The following ATP9B variants were observed in gnomAD, a reference collection of about 807,000 sequenced individuals.
ATP9B encodes the protein ATPase phospholipid transporting 9B, also known as probable phospholipid-transporting ATPase IIB.
ATP9B carries 110 observed loss-of-function variants against 146.1 expected under a neutral mutation model. The observed-to-expected ratio is 0.75, with a 90% CI of 0.65 to 0.88. The LOEUF (loss-of-function observed/expected upper bound fraction) is 0.88, where lower values mean the gene tolerates loss of function less well. ATP9B is among the 40% of genes least tolerant of loss of function. ATP9B has a pLI of 0.00. For synonymous variants in ATP9B, 604 were observed against 569.7 expected (o/e 1.06, Z -0.86); for missense variants, 1,499 against 1,496.4 (o/e 1.00, Z -0.03).
At chr18:79,295,034 G>A (rs936055276) in intron 13 of ATP9B, among the ~76,000 whole-genome samples, 2 of 152,100 alleles carry the variant, frequency 1.3e-5, no homozygotes, top group African/African-American at 2.4e-5. Context: ...GACATTTTCT[G>A]TGTGTTTTGG....
intron 11 of ATP9B, among the ~76,000 whole-genome samples, chr18:79,225,826 C>A (rs1055393713): frequency 2.2e-5 from 3 of 134,994 alleles, no homozygotes; most frequent in Admixed American, 7.4e-5. Context: ...CTGTCTTCAG[C>A]GTCTGAGTGA....
chr18:79,163,596 C>A (rs2094915926), intron 7 of ATP9B, among the ~76,000 whole-genome samples: 1 of 152,048 alleles, frequency 6.6e-6, no homozygotes, highest in African/African-American at 2.4e-5. Flanking sequence ...TAGAAAAAAA[C>A]TGTAACTTTA....
At chr18:79,093,933 G>C (rs1321683776) in intron 1 of ATP9B, among the ~76,000 whole-genome samples, 2 of 152,160 alleles carry the variant, frequency 1.3e-5, no homozygotes, top group African/African-American at 4.8e-5. Flanking sequence ...TCTTTCTCTT[G>C]ACTATTGGCC....
At chr18:79,327,328 C>CA (rs1294048537) in intron 15 of ATP9B, among the ~76,000 whole-genome samples, 1 of 152,218 alleles carries the variant, frequency 6.6e-6, no homozygotes, top group Non-Finnish European at 1.5e-5. Flanking sequence ...GGGGCTTCAG[C>CA]ACTGTGGGTG....
At chr18:79,176,227 T>G (rs968633056) in intron 7 of ATP9B, among the ~76,000 whole-genome samples, 3 of 152,256 alleles carry the variant, frequency 2.0e-5, no homozygotes, top group Non-Finnish European at 2.9e-5. Context: ...GCTTTTGCTA[T>G]TCCATCATTA....
intron 2 of ATP9B, among the ~76,000 whole-genome samples, chr18:79,107,182 C>T (rs1234937671): frequency 6.6e-6 from 1 of 152,050 alleles, no homozygotes; most frequent in Non-Finnish European, 1.5e-5. Flanking sequence ...GCACCTGTGG[C>T]CCAGCTTGCA....
At chr18:79,376,899 A>G (rs3630) in intron 29 of ATP9B, among the ~76,000 whole-genome samples, 34,735 of 151,666 alleles carry the variant, frequency 0.23, 4,645 homozygotes, top group East Asian at 0.52. Flanking sequence ...AGGTTTTCCT[A>G]TGTTGGCCAG....
chr18:79,141,800 G>A (rs2094517392), intron 5 of ATP9B, among the ~76,000 whole-genome samples: 2 of 152,012 alleles, frequency 1.3e-5, no homozygotes, highest in African/African-American at 4.8e-5. Context: ...CGTCAACAAA[G>A]TGTTAGCCAG....
rs529417069 is a variant in ATP9B, at chr18:79,109,858, G to A, written c.294-497G>A. Among the ~76,000 whole-genome samples, 35 of 152,204 alleles carry A rather than the reference G, an allele frequency of 2.3e-4. 2 individuals carry two copies. The highest frequency in any genetic ancestry group is 2.1e-3 in the South Asian group (10 of 4,828). ...TGGGATTACCGATGTGAGCCACCAC[G>A]CCTGGCCTGAGCTGTAAGTCTTAAT... is the stretch of plus-strand genomic sequence containing the variant. On this transcript the variant is annotated intron_variant, in intron 2 of 29. Coordinates refer to ENST00000426216, the MANE Select transcript of ATP9B (RefSeq NM_198531.5).
At position 79,069,427 on chromosome 18, in the gene ATP9B, C is replaced by T. The variant is rs747144142; in HGVS notation, c.17C>T (p.Pro6Leu). ...GGTCGGAACATGGCGGACCAGATCC[C>T]GCTTTACCCGGTGCGTAGCGCAGCG... MADQI[P>L]LYPVRSAAAA... The change falls in exon 1 of 30, where the codon CCG becomes CTG. Residue 6 changes from proline to leucine, a missense_variant. Physicochemically the swap from Pro to Leu is moderately conservative, Grantham distance 98. Transcript: ENST00000426216. The T allele has an allele frequency of 9.9e-6, 15 of 1,518,378 alleles. No homozygotes were observed. Among genetic ancestry groups the T allele is most frequent in the Admixed American group, 2.2e-5 (1 of 46,134 alleles). 94.1% of individuals were successfully genotyped at this position (1,518,378 alleles called of 1,614,324 possible). A position where few individuals can be genotyped will look rare whatever the true frequency, so the allele number is the denominator to read the frequency against.
intron 1 of ATP9B, among the ~76,000 whole-genome samples, chr18:79,077,456 A>G (rs1348522622): frequency 1.3e-5 from 2 of 152,170 alleles, no homozygotes; most frequent in African/African-American, 4.8e-5. Flanking sequence ...CTCCACTGAC[A>G]TTGCATGGGT....
chr18:79,342,420 G>A (rs562718409), intron 20 of ATP9B, 54 bp downstream of exon 20: 21 of 1,239,714 alleles, frequency 1.7e-5, no homozygotes, highest in Admixed American at 1.1e-4. Context: ...TCACACAAAC[G>A]AAGCCTATTG....
chr18:79,291,129 T>C (rs1347828653), intron 13 of ATP9B, among the ~76,000 whole-genome samples: 1 of 152,200 alleles, frequency 6.6e-6, no homozygotes, highest in Admixed American at 6.5e-5. Flanking sequence ...GCTTTGTTCA[T>C]TATAGTCCCA....
rs546353237 is a variant in ATP9B at position 79,129,806 on chromosome 18, C to T, written c.667+3431C>T. On this transcript the variant is annotated intron_variant, in intron 5 of 29. Coordinates refer to ENST00000426216, the MANE Select transcript of ATP9B (RefSeq NM_198531.5). ...TTGCCCAGGCTGGAGTGCAATGGTG[C>T]GATCTCAGCTCACTGCAACCTCCGT... is the stretch of plus-strand genomic sequence containing the variant. Among the ~76,000 whole-genome samples, 13 of 151,608 alleles carry T rather than the reference C, an allele frequency of 8.6e-5. No homozygotes were observed. In the East Asian group the frequency reaches 1.4e-3, roughly 16 times the overall value.
At chr18:79,368,052 C>T (rs1600443027) in intron 26 of ATP9B, among the ~76,000 whole-genome samples, 1 of 152,136 alleles carries the variant, frequency 6.6e-6, no homozygotes, top group Non-Finnish European at 1.5e-5. Flanking sequence ...CATGGAGTGT[C>T]GCCCTGGGTG....
intron 2 of ATP9B, among the ~76,000 whole-genome samples, chr18:79,096,923 A>G (rs1362905887): frequency 2.0e-5 from 3 of 152,068 alleles, no homozygotes; most frequent in Admixed American, 1.3e-4. Flanking sequence ...TCGGGAGGCT[A>G]AGGCGGGCAG....
intron 12 of ATP9B, among the ~76,000 whole-genome samples, chr18:79,264,006 AC>A (rs2096174128): frequency 6.6e-6 from 1 of 152,006 alleles, no homozygotes; most frequent in South Asian, 2.1e-4. Context: ...AATGGCGTCA[AC>A]CCGGAAGGCG....
chr18:79,199,762 GAAA>G (rs61015454), intron 9 of ATP9B, among the ~76,000 whole-genome samples: 4 of 139,522 alleles, frequency 2.9e-5, no homozygotes, highest in Non-Finnish European at 4.7e-5. Flanking sequence ...GACTACATCT[GAAA>G]AAAAAAAAAA....
intron 15 of ATP9B, among the ~76,000 whole-genome samples, chr18:79,307,835 TA>T (rs1212726141): frequency 1.3e-5 from 2 of 152,222 alleles, no homozygotes; most frequent in Non-Finnish European, 2.9e-5. Context: ...TAGTATATTT[TA>T]TATACAGTTT....
Sources: allele counts gnomAD v4.1 joint callset (sites outside exome capture counted in the v4.1 genomes callset), GRCh38; gene constraint gnomAD v4.1.1; transcripts MANE v1.5; gene names NCBI Gene and HGNC (gene_info 2026-07-23, HGNC 2026-07-21).